The following PLCXD3 variants were observed in gnomAD, a reference collection of about 807,000 sequenced individuals.
The protein encoded by PLCXD3 is PI-PLC X domain-containing protein 3.
A neutral mutation model predicts 25.5 loss-of-function variants in PLCXD3; 19 were observed. The ratio of observed to expected loss-of-function variants is 0.75; its 90% CI spans 0.52 to 1.09. PLCXD3 has a LOEUF of 1.09. Ranked by LOEUF, PLCXD3 falls within the 50% of genes least tolerant of loss-of-function variation. The pLI is 0.00. For synonymous variants in PLCXD3, 174 were observed against 137.6 expected (o/e 1.26, Z -1.85); for missense variants, 411 against 388.1 (o/e 1.06, Z -0.50).
At chr5:41,501,396 G>T (rs1203212014) in intron 1 of PLCXD3, among the ~76,000 whole-genome samples, 5 of 151,988 alleles carry the variant, frequency 3.3e-5, no homozygotes, top group Non-Finnish European at 5.9e-5. Context: ...TACCACATGG[G>T]TAAACCTTGA....
intron 1 of PLCXD3, among the ~76,000 whole-genome samples, chr5:41,409,610 T>G (rs1336446476): frequency 4.6e-5 from 7 of 152,216 alleles, no homozygotes; most frequent in Non-Finnish European, 1.5e-5. Context: ...TTCATTTTAT[T>G]TAGTTGCATA....
intron 2 of PLCXD3, among the ~76,000 whole-genome samples, chr5:41,363,939 C>T (rs1022529305): frequency 6.6e-6 from 1 of 152,132 alleles, no homozygotes; most frequent in Non-Finnish European, 1.5e-5. Flanking sequence ...CTTCTCTAAT[C>T]CCTGGACAGT....
chr5:41,429,957 C>A (rs745649321), intron 1 of PLCXD3, among the ~76,000 whole-genome samples: 3 of 152,066 alleles, frequency 2.0e-5, no homozygotes, highest in African/African-American at 4.8e-5. Context: ...CTGGAAACAC[C>A]TATTTATATA....
chr5:41,385,801 C>T (rs1429225670), intron 1 of PLCXD3, among the ~76,000 whole-genome samples: 1 of 152,066 alleles, frequency 6.6e-6, no homozygotes, highest in South Asian at 2.1e-4. Context: ...GCCCATGTGA[C>T]ACAGAGGTTG....
rs1055734801 is a variant in PLCXD3, at chr5:41,510,366, A to G, written c.103+58T>C. 12 of 1,426,986 alleles carry G rather than the reference A, an allele frequency of 8.4e-6. No homozygotes were observed. The East Asian group carries it at 2.0e-4, about 24-fold the overall frequency. 88.4% of individuals were successfully genotyped at this position (1,426,986 alleles called of 1,614,324 possible). On this transcript the variant is annotated intron_variant, in intron 1 of 2. Transcript: ENST00000377801. Reference sequence around the variant, plus strand: ...GTTACCACTTAGTGGCAGATAAAGCAGGGCGGGGCAGGTGGAGCGGGCGCC... The same window carrying G: ...GTTACCACTTAGTGGCAGATAAAGCGGGGCGGGGCAGGTGGAGCGGGCGCC...
At chr5:41,413,126 C>G (rs1746605835) in intron 1 of PLCXD3, among the ~76,000 whole-genome samples, 1 of 152,200 alleles carries the variant, frequency 6.6e-6, no homozygotes. Context: ...AGAGTTACCA[C>G]CAGTTCACAG....
At chr5:41,385,384 T>A (rs990837842) in intron 1 of PLCXD3, among the ~76,000 whole-genome samples, 1 of 152,136 alleles carries the variant, frequency 6.6e-6, no homozygotes, top group African/African-American at 2.4e-5. Flanking sequence ...TCATCTTTAG[T>A]TTCCATTTGC....
chr5:41,346,132 C>A (rs996763243), intron 2 of PLCXD3, among the ~76,000 whole-genome samples: 1 of 152,188 alleles, frequency 6.6e-6, no homozygotes, highest in African/African-American at 2.4e-5. Flanking sequence ...CCGCCCGCCT[C>A]GGCCTCCCGA....
intron 2 of PLCXD3, among the ~76,000 whole-genome samples, chr5:41,362,581 G>C (rs1245762300): frequency 6.6e-6 from 1 of 152,286 alleles, no homozygotes; most frequent in Admixed American, 6.5e-5. Context: ...GTTAAAATCA[G>C]AAACCGACAC....
intron 1 of PLCXD3, among the ~76,000 whole-genome samples, chr5:41,509,110 C>T (rs1158884321): frequency 2.0e-5 from 3 of 152,218 alleles, no homozygotes; most frequent in Non-Finnish European, 4.4e-5. Flanking sequence ...AATGGCAGCA[C>T]TCTTGGTTGG....
At chr5:41,470,639 G>A (rs1205298489) in intron 1 of PLCXD3, among the ~76,000 whole-genome samples, 2 of 152,190 alleles carry the variant, frequency 1.3e-5, no homozygotes, top group African/African-American at 4.8e-5. Context: ...CAGTAAAAAT[G>A]TCTGCTCTTC....
At position 41,510,472 on chromosome 5, in the gene PLCXD3, G is replaced by A. The variant is rs2111607197; in HGVS notation, c.55C>T (p.Leu19=). ...GGGATGCTGTGCATGCTCTCCGGCA[G>A]AGTTGCCATCCAGTCGGCTAATTTC... The part of the protein sequence containing the change: ...ELKLADWMAT[L]PESMHSIPLT... The change falls in exon 1 of 3, where the codon CTG becomes TTG. Residue 19 remains leucine (L), a synonymous_variant. Transcript: ENST00000377801. 1 of 1,612,732 alleles carries A rather than the reference G, an allele frequency of 6.2e-7. No individual in the cohort carries two copies. The highest frequency in any genetic ancestry group is 8.5e-7 in the Non-Finnish European group (1 of 1,179,336).
chr5:41,493,715 C>T (rs1257721774), intron 1 of PLCXD3, among the ~76,000 whole-genome samples: 2 of 152,182 alleles, frequency 1.3e-5, no homozygotes, highest in Non-Finnish European at 2.9e-5. Flanking sequence ...AGCGAGACTC[C>T]GTGGGCATTT....
intron 2 of PLCXD3, among the ~76,000 whole-genome samples, chr5:41,381,208 G>T (rs1043516430): frequency 2.6e-5 from 4 of 152,078 alleles, no homozygotes; most frequent in African/African-American, 9.7e-5. Flanking sequence ...GTAGAGAAAG[G>T]ATATTGCAAT....
intron 2 of PLCXD3, among the ~76,000 whole-genome samples, chr5:41,380,090 A>C (rs1267601184): frequency 6.6e-6 from 1 of 151,802 alleles, no homozygotes; most frequent in Non-Finnish European, 1.5e-5. Context: ...ACAACCCCCA[A>C]ATGAGTTGGC....
chr5:41,389,849 T>C (rs1278239566), intron 1 of PLCXD3, among the ~76,000 whole-genome samples: 2 of 152,208 alleles, frequency 1.3e-5, no homozygotes, highest in Non-Finnish European at 2.9e-5. Context: ...TAAATTATTA[T>C]TGAGGAATAA....
chr5:41,385,572 T>C (rs1745609468), intron 1 of PLCXD3, among the ~76,000 whole-genome samples: 2 of 152,108 alleles, frequency 1.3e-5, no homozygotes, highest in Non-Finnish European at 2.9e-5. Context: ...ATTCAGGCAC[T>C]GTGGGAAGCA....
chr5:41,396,506 A>T (rs1383186721), intron 1 of PLCXD3, among the ~76,000 whole-genome samples: 1 of 152,182 alleles, frequency 6.6e-6, no homozygotes, highest in Non-Finnish European at 1.5e-5. Flanking sequence ...TTTTTATAGC[A>T]ATGTGAGAAT....
chr5:41,494,088 C>A (rs539337650), intron 1 of PLCXD3, among the ~76,000 whole-genome samples: 9 of 152,252 alleles, frequency 5.9e-5, no homozygotes, highest in Non-Finnish European at 8.8e-5. Flanking sequence ...GGCTCCCTCC[C>A]GGGTTTTATT....
Sources: gnomAD v4.1 joint callset for allele counts (sites outside exome capture counted in the v4.1 genomes callset) on GRCh38, gnomAD v4.1.1 for gene constraint, MANE v1.5 for transcripts, NCBI Gene and HGNC (gene_info 2026-07-23, HGNC 2026-07-21) for gene names.